Variants in PCDHGA3 observed in about 807,000 individuals in gnomAD.
The protein encoded by PCDHGA3 is protocadherin gamma-A3.
Under a neutral mutation model 58.5 loss-of-function variants are expected in PCDHGA3, and 40 were observed. That is an observed-to-expected ratio of 0.68 (90% CI 0.53 to 0.89). PCDHGA3 has a LOEUF of 0.89. Among genes scored for constraint, PCDHGA3 ranks in the 40% least tolerant of loss-of-function variants. The pLI is 0.00. For synonymous variants in PCDHGA3, 530 were observed against 525.7 expected, an observed-to-expected ratio of 1.01 and a Z score of -0.11; for missense variants, 1,223 against 1,195.9, an observed-to-expected ratio of 1.02 and a Z score of -0.33.
At chr5:141,427,863 G>A (rs769808388) in intron 1 of PCDHGA3, 1 of 1,557,316 alleles carries the variant, frequency 6.4e-7, no homozygotes, top group Non-Finnish European at 8.8e-7. Context: ...GTGCGCCTTC[G>A]AGCTCACGAT....
At chr5:141,421,069 AGATG>A in intron 1 of PCDHGA3, 1 of 598,532 alleles carries the variant, frequency 1.7e-6, no homozygotes, top group Non-Finnish European at 2.8e-6. Context: ...AAGCGGAATG[AGATG>A]GATACTCACA....
At chr5:141,409,687 C>A (rs1190888512) in intron 1 of PCDHGA3, 2 of 1,613,202 alleles carry the variant, frequency 1.2e-6, no homozygotes, top group East Asian at 4.5e-5. Context: ...TGGCGAGTGA[C>A]CTAGAGCCCC....
At chr5:141,383,797 G>C in intron 1 of PCDHGA3, 1 of 1,613,964 alleles carries the variant, frequency 6.2e-7, no homozygotes, top group Non-Finnish European at 8.5e-7. Context: ...GCTTACAGGA[G>C]AAATATCAAC....
In PCDHGA3 at chr5:141,422,057, A is replaced by T. The variant is rs1356083259; in HGVS notation, c.2425-72750A>T. 3.1e-6 allele frequency: 5 copies of T among 1,611,974 alleles called. No individual in the cohort carries two copies. The South Asian group carries it at 5.5e-5, about 18-fold the overall frequency. On this transcript the variant is annotated intron_variant, in intron 1 of 3. Transcript: ENST00000253812. The stretch of plus-strand genomic sequence containing the variant: ...GATCCAGACGAGGGAATCAACGGGG[A>T]AGTAATGTATTCATTTCGGAACATG...
At chr5:141,471,046 C>CTTT (rs1170588345) in intron 1 of PCDHGA3, among the ~76,000 whole-genome samples, 3 of 113,252 alleles carry the variant, frequency 2.6e-5, no homozygotes, top group Non-Finnish European at 5.4e-5. Context: ...CCCAAGCCCT[C>CTTT]TTTTTTTTTT....
At position 141,377,829 on chromosome 5, in the gene PCDHGA3, C is replaced by A. The variant is rs970459356; in HGVS notation, c.2424+31372C>A. On this transcript the variant is annotated intron_variant, in intron 1 of 3. Transcript: ENST00000253812. ...GTTATTTACTTGGGCCAGTTACAAT[C>A]GCCATTATCTTCCAATTAAAATTAA... 4 of 152,110 alleles carry A rather than the reference C, an allele frequency of 2.6e-5. No individual in the cohort carries two copies. In the South Asian group the frequency reaches 6.2e-4, roughly 24 times the overall value. The allele number at this position is 152,110 out of a possible 1,614,324, so 9.4% of individuals were successfully genotyped here.
intron 1 of PCDHGA3, chr5:141,350,119 G>T (rs1758412512): frequency 1.7e-6 from 1 of 594,890 alleles, no homozygotes; most frequent in South Asian, 5.4e-5. Context: ...TTTGTCCGGT[G>T]CACTGAGCAC....
chr5:141,489,983 G>T lies in PCDHGA3; in HGVS notation c.2425-4824G>T. ...CCAACCTTCCAATCCTCAGTTCTACGTGTGGGAATCCCAGAGAATGCACCC... is the reference window on the plus strand; with the variant it reads ...CCAACCTTCCAATCCTCAGTTCTACTTGTGGGAATCCCAGAGAATGCACCC... On this transcript the variant is annotated intron_variant, in intron 1 of 3. Coordinates refer to ENST00000253812, the MANE Select transcript of PCDHGA3 (RefSeq NM_018916.4). The surrounding 1 kb of genome is among the most constrained non-coding windows in gnomAD (Gnocchi z 4.5). The T allele has an allele frequency of 6.2e-7, 1 of 1,614,172 alleles. No homozygotes were observed. Among genetic ancestry groups the T allele is most frequent in the Non-Finnish European group, 8.5e-7 (1 of 1,179,996 alleles).
At chr5:141,351,772 C>T (rs1758814915) in intron 1 of PCDHGA3, 1 of 1,613,538 alleles carries the variant, frequency 6.2e-7, no homozygotes, top group East Asian at 2.2e-5. Flanking sequence ...TGTCCGTGAG[C>T]CCGCAGAGCG....
chr5:141,377,736 G>A (rs1308540994), intron 1 of PCDHGA3: 1 of 152,060 alleles, frequency 6.6e-6, no homozygotes, highest in African/African-American at 2.4e-5. Flanking sequence ...AAGAATCATT[G>A]GTAACTGCAG....
chr5:141,389,111 C>G (rs752785695), intron 1 of PCDHGA3: 8 of 1,614,008 alleles, frequency 5.0e-6, no homozygotes, highest in Non-Finnish European at 6.8e-6. Flanking sequence ...CTGTTCTAGA[C>G]CGCGAGCAGA....
At chr5:141,353,757 A>AT (rs1189530295) in intron 1 of PCDHGA3, among the ~76,000 whole-genome samples, 1 of 152,166 alleles carries the variant, frequency 6.6e-6, no homozygotes, top group Non-Finnish European at 1.5e-5. Flanking sequence ...ACATGTTGAG[A>AT]TTTTTTTAAT....
At position 141,431,413 on chromosome 5, in the gene PCDHGA3, C is replaced by A; in HGVS notation, c.2425-63394C>A. ...TGGTCCTTACGGCCTCCGACGGGGG[C>A]GACCCGGTGCGCACAGGCACCGCGC... On this transcript the variant is annotated intron_variant, in intron 1 of 3. Transcript: ENST00000253812. This position sits in a 1 kb window ranked among gnomAD's most constrained non-coding sequence, Gnocchi z 4.8. The A allele has an allele frequency of 6.2e-7, 1 of 1,613,682 alleles. No homozygotes were observed. Among genetic ancestry groups the A allele is most frequent in the Non-Finnish European group, 8.5e-7 (1 of 1,180,044 alleles).
At chr5:141,474,426 C>T (rs2099349464) in intron 1 of PCDHGA3, among the ~76,000 whole-genome samples, 1 of 152,198 alleles carries the variant, frequency 6.6e-6, no homozygotes, top group Non-Finnish European at 1.5e-5. Context: ...ACCATTGGTC[C>T]TCACACTTTG....
At chr5:141,458,437 C>T (rs777855535) in intron 1 of PCDHGA3, among the ~76,000 whole-genome samples, 1 of 152,026 alleles carries the variant, frequency 6.6e-6, no homozygotes, top group Non-Finnish European at 1.5e-5. Flanking sequence ...AGAGGAGGTC[C>T]CCCACATTAA....
intron 1 of PCDHGA3, among the ~76,000 whole-genome samples, chr5:141,465,396 C>A (rs2099102528): frequency 6.6e-6 from 1 of 152,054 alleles, no homozygotes; most frequent in Admixed American, 6.6e-5. Context: ...AAAAACAAGT[C>A]AGAAGAAGCC....
At chr5:141,398,223 G>C (rs995722310) in intron 1 of PCDHGA3, 1 of 1,482,728 alleles carries the variant, frequency 6.7e-7, no homozygotes, top group South Asian at 1.3e-5. Context: ...TCTGTGAGCA[G>C]ATCCGCTACA....
rs1429860093 is a variant in PCDHGA3, at chr5:141,487,828, C to A, written c.2425-6979C>A. 3 of 1,184,120 alleles carry A rather than the reference C, an allele frequency of 2.5e-6. No individual in the cohort carries two copies. The highest frequency in any genetic ancestry group is 1.5e-5 in the African/African-American group (1 of 64,540). The allele number at this position is 1,184,120 out of a possible 1,614,324, so 73.4% of individuals were successfully genotyped here. A position where few individuals can be genotyped will look rare whatever the true frequency, so the allele number is the denominator to read the frequency against. ...AGTTTAGCATTGGGGGCGGGTCATG[C>A]CTATATCTGAGTAAGAAATGAAAGT... On this transcript the variant is annotated intron_variant, in intron 1 of 3. Coordinates refer to ENST00000253812, the MANE Select transcript of PCDHGA3 (RefSeq NM_018916.4). The surrounding 1 kb of genome is among the most constrained non-coding windows in gnomAD (Gnocchi z 5.0).
chr5:141,482,220 G>T (rs945741591), intron 1 of PCDHGA3, among the ~76,000 whole-genome samples: 8 of 152,148 alleles, frequency 5.3e-5, no homozygotes, highest in African/African-American at 1.9e-4. Flanking sequence ...ACTTGTTTTG[G>T]TGTGAAATTG....
Sources: allele counts gnomAD v4.1 joint callset (sites outside exome capture counted in the v4.1 genomes callset), GRCh38; gene constraint gnomAD v4.1.1; non-coding constraint Gnocchi (gnomAD v3.1); transcripts MANE v1.5; gene names NCBI Gene and HGNC (gene_info 2026-07-23, HGNC 2026-07-21).